Variants in CHSY3 observed in about 807,000 individuals in gnomAD.
CHSY3 encodes the protein chondroitin sulfate synthase 3.
In CHSY3, 35 loss-of-function variants were observed where a neutral mutation model predicts 67.2. The observed-to-expected ratio is 0.52, with a 90% confidence interval of 0.40 to 0.69. The LOEUF (loss-of-function observed/expected upper bound fraction) is 0.69. CHSY3 is among the 30% of genes least tolerant of loss of function. The probability of loss-of-function intolerance (pLI) is 0.00; values close to 1 mark genes in which losing one functional copy is unlikely to be tolerated. For missense variants in CHSY3, 1,069 were observed against 1,138.5 expected, an observed-to-expected ratio of 0.94 and a Z score of 0.88; for synonymous variants, 474 against 434.7, an observed-to-expected ratio of 1.09 and a Z score of -1.12.
intron 2 of CHSY3, among the ~76,000 whole-genome samples, chr5:130,091,146 G>GCGCACACA (rs1554082166): frequency 3.1e-3 from 458 of 149,516 alleles, no homozygotes; most frequent in African/African-American, 0.011. Flanking sequence ...GCACACGCGC[G>GCGCACACA]CACACACACA....
At chr5:130,067,823 T>G (rs1765932246) in intron 2 of CHSY3, among the ~76,000 whole-genome samples, 1 of 152,180 alleles carries the variant, frequency 6.6e-6, no homozygotes, top group African/African-American at 2.4e-5. Flanking sequence ...ATTTTATTCG[T>G]CTCTGGGTTC....
chr5:130,084,757 G>C (rs929843409), intron 2 of CHSY3, among the ~76,000 whole-genome samples: 1 of 151,782 alleles, frequency 6.6e-6, no homozygotes. Context: ...AAGTGAGGTT[G>C]GGAAGGTACT....
intron 2 of CHSY3, among the ~76,000 whole-genome samples, chr5:130,010,361 A>G (rs529048303): frequency 8.5e-5 from 13 of 152,352 alleles, no homozygotes; most frequent in African/African-American, 3.1e-4. Flanking sequence ...ATGGAAATTA[A>G]ACAACCTGTT....
At chr5:130,158,783 AT>A (rs1010994919) in intron 2 of CHSY3, among the ~76,000 whole-genome samples, 29 of 151,962 alleles carry the variant, frequency 1.9e-4, no homozygotes, top group Non-Finnish European at 3.2e-4. Context: ...GGGAATTTCC[AT>A]TTTTTTTATT....
At chr5:130,053,426 C>T (rs1765429641) in intron 2 of CHSY3, among the ~76,000 whole-genome samples, 1 of 152,076 alleles carries the variant, frequency 6.6e-6, no homozygotes, top group Non-Finnish European at 1.5e-5. Context: ...GTAGGCAGAT[C>T]TGTAGAAGGA....
At chr5:130,122,491 C>G (rs905007256) in intron 2 of CHSY3, among the ~76,000 whole-genome samples, 1 of 152,120 alleles carries the variant, frequency 6.6e-6, no homozygotes, top group African/African-American at 2.4e-5. Context: ...TTTTTGTCCT[C>G]TAACAGCCTG....
intron 2 of CHSY3, among the ~76,000 whole-genome samples, chr5:129,947,775 A>G (rs970306869): frequency 2.0e-5 from 3 of 152,128 alleles, no homozygotes; most frequent in Admixed American, 2.0e-4. Flanking sequence ...CTTTACCAAC[A>G]TGTATCTTTT....
chr5:130,121,081 C>A lies in CHSY3; in HGVS notation c.1087-63148C>A, dbSNP rs138642669. Among the ~76,000 whole-genome samples the A allele has an allele frequency of 2.0e-3, 306 of 152,298 alleles. 1 individual carries two copies. Among genetic ancestry groups the A allele is most frequent in the African/African-American group, 6.8e-3 (281 of 41,556 alleles). ...GGCCCTGACTCTTTCCTGTGATAGA[C>A]TGTAAATCTCAAGGGTAGGGCTGTG... is the stretch of plus-strand genomic sequence containing the variant. On this transcript the variant is annotated intron_variant, in intron 2 of 2. Coordinates refer to ENST00000305031, the MANE Select transcript of CHSY3 (RefSeq NM_175856.5).
chr5:129,948,756 C>T (rs1761940161), intron 2 of CHSY3, among the ~76,000 whole-genome samples: 2 of 152,190 alleles, frequency 1.3e-5, no homozygotes, highest in Non-Finnish European at 2.9e-5. Flanking sequence ...TTTAAGGAAT[C>T]TCCATATGGT....
At chr5:130,055,752 G>A (rs941612700) in intron 2 of CHSY3, among the ~76,000 whole-genome samples, 1 of 151,934 alleles carries the variant, frequency 6.6e-6, no homozygotes, top group Non-Finnish European at 1.5e-5. Flanking sequence ...TGGTGGGAAG[G>A]GACTCAGTTT....
At chr5:129,999,121 T>TC (rs1337643220) in intron 2 of CHSY3, among the ~76,000 whole-genome samples, 3 of 114,144 alleles carry the variant, frequency 2.6e-5, no homozygotes, top group African/African-American at 5.9e-5. Context: ...AGCTCCCCCC[T>TC]CCCTTTTTTT....
rs184819805 is a variant in CHSY3, at chr5:130,092,457, T to G, written c.1087-91772T>G. ...GGTTCACACCTCTTTATAAAATACT[T>G]AGAGCTTTGTTTACTGTATAGACTC... is the stretch of plus-strand genomic sequence containing the variant. On this transcript the variant is annotated intron_variant, in intron 2 of 2. Transcript: ENST00000305031. Among the ~76,000 whole-genome samples, 20 of 152,210 alleles carry G rather than the reference T, an allele frequency of 1.3e-4. No homozygotes were observed. In the East Asian group the frequency reaches 3.3e-3, roughly 25 times the overall value.
intron 2 of CHSY3, among the ~76,000 whole-genome samples, chr5:130,100,667 T>C (rs1159235774): frequency 6.6e-6 from 1 of 152,176 alleles, no homozygotes; most frequent in African/African-American, 2.4e-5. Flanking sequence ...ATTAATAGGG[T>C]AAGAGCTTTA....
chr5:130,175,856 A>G (rs887400484), intron 2 of CHSY3, among the ~76,000 whole-genome samples: 1 of 152,226 alleles, frequency 6.6e-6, no homozygotes, highest in Non-Finnish European at 1.5e-5. Context: ...TTAACTGAAG[A>G]TGGGTTAAAG....
intron 2 of CHSY3, among the ~76,000 whole-genome samples, chr5:130,126,292 T>TC: frequency 6.9e-6 from 1 of 145,856 alleles, no homozygotes; most frequent in African/African-American, 2.6e-5. Context: ...ATAGGCTGAG[T>TC]TAAAAAAAAA....
At chr5:129,994,463 G>C (rs1173888230) in intron 2 of CHSY3, among the ~76,000 whole-genome samples, 2 of 151,690 alleles carry the variant, frequency 1.3e-5, no homozygotes, top group African/African-American at 4.9e-5. Context: ...TCATTCATTT[G>C]ATCTTCCATC....
intron 2 of CHSY3, among the ~76,000 whole-genome samples, chr5:130,083,684 A>G (rs1259336981): frequency 6.6e-6 from 1 of 152,002 alleles, no homozygotes; most frequent in Non-Finnish European, 1.5e-5. Context: ...GCTTTCTCCA[A>G]TGCGTCTTTC....
chr5:130,096,881 T>A (rs1249808538), intron 2 of CHSY3, among the ~76,000 whole-genome samples: 1 of 152,154 alleles, frequency 6.6e-6, no homozygotes, highest in East Asian at 1.9e-4. Context: ...AAATTATTAT[T>A]TTTATTCTCT....
At chr5:130,116,902 A>G (rs1030291972) in intron 2 of CHSY3, among the ~76,000 whole-genome samples, 6 of 152,148 alleles carry the variant, frequency 3.9e-5, no homozygotes, top group Non-Finnish European at 5.9e-5. Flanking sequence ...TGCAATAGAA[A>G]GAGAACTTTT....
Sources: allele counts gnomAD v4.1 joint callset (sites outside exome capture counted in the v4.1 genomes callset), GRCh38; gene constraint gnomAD v4.1.1; transcripts MANE v1.5; gene names NCBI Gene and HGNC (gene_info 2026-07-23, HGNC 2026-07-21).